The following CYRIB variants were observed in gnomAD, a reference collection of about 807,000 sequenced individuals.
CYRIB encodes CYFIP-related Rac1 interactor B.
In CYRIB, 8 loss-of-function variants were observed where a neutral mutation model predicts 44.2. The observed-to-expected ratio is 0.18, with a 90% confidence interval of 0.11 to 0.33. The LOEUF (loss-of-function observed/expected upper bound fraction) is 0.33, where lower values mean the gene tolerates loss of function less well. Among genes scored for constraint, CYRIB ranks in the 10% least tolerant of loss-of-function variants. The pLI is 1.00. For synonymous variants in CYRIB, 131 were observed against 127.2 expected (o/e 1.03, Z -0.20); for missense variants, 185 against 382.8 (o/e 0.48, Z 4.31).
intron 7 of CYRIB, among the ~76,000 whole-genome samples, chr8:129,853,995 A>G (rs532868085): frequency 6.6e-6 from 1 of 152,346 alleles, no homozygotes; most frequent in African/African-American, 2.4e-5. Flanking sequence ...TTAAAATGAG[A>G]GTACATCGCG....
chr8:129,967,419 G>A lies in CYRIB; in HGVS notation c.-243+3524C>T, dbSNP rs1276912158. Among the ~76,000 whole-genome samples, 13 of 148,602 alleles carry A rather than the reference G, an allele frequency of 8.7e-5. No individual in the cohort carries two copies. In the South Asian group the frequency reaches 1.1e-3, roughly 12 times the overall value. ...TTTTGAGATGGAGTCTTGCTCTGTCGCCCAGGCTGGAGTGCAGTGGCGCGA... is the reference window on the plus strand; with the variant it reads ...TTTTGAGATGGAGTCTTGCTCTGTCACCCAGGCTGGAGTGCAGTGGCGCGA... On this transcript the variant is annotated intron_variant, in intron 2 of 14. Transcript: ENST00000401979.
At chr8:129,859,148 C>T (rs2132069415) in intron 5 of CYRIB, among the ~76,000 whole-genome samples, 1 of 152,292 alleles carries the variant, frequency 6.6e-6, no homozygotes, top group African/African-American at 2.4e-5. Context: ...ATAGGGAAGG[C>T]CACATGGGTC....
intron 2 of CYRIB, among the ~76,000 whole-genome samples, chr8:129,955,601 C>G (rs899930818): frequency 2.0e-5 from 3 of 152,204 alleles, no homozygotes; most frequent in African/African-American, 7.2e-5. Flanking sequence ...TTACCTCTTA[C>G]AAGCGTTCTA....
chr8:129,859,446 G>A (rs1045111557), intron 5 of CYRIB, among the ~76,000 whole-genome samples: 1 of 152,100 alleles, frequency 6.6e-6, no homozygotes, highest in Non-Finnish European at 1.5e-5. Flanking sequence ...AGGTGGAGGA[G>A]CAGAGTCTTC....
chr8:129,896,867 G>A (rs1488937981), intron 2 of CYRIB: 1 of 152,214 alleles, frequency 6.6e-6, no homozygotes, highest in Non-Finnish European at 1.5e-5. Flanking sequence ...ACAATTGAAA[G>A]GAAATCTGCC....
chr8:129,958,829 G>A (rs1168160474), intron 2 of CYRIB, among the ~76,000 whole-genome samples: 2 of 151,644 alleles, frequency 1.3e-5, no homozygotes, highest in African/African-American at 4.8e-5. Flanking sequence ...ACTTTGGGAG[G>A]CTGAGGCGGG....
upstream of CYRIB, among the ~76,000 whole-genome samples, chr8:129,944,827 C>T (rs2094024359): frequency 6.6e-6 from 1 of 151,792 alleles, no homozygotes. Context: ...ATGCACATTG[C>T]TTTCATTGGT....
In CYRIB at chr8:129,977,829, T is replaced by A. The variant is rs9297802; in HGVS notation, c.-295-6834A>T. On this transcript the variant is annotated intron_variant, in intron 1 of 14. Coordinates refer to the CYRIB transcript ENST00000401979. ...TTACAGGCGTGAGCCACTGCTCCCGTCCTGTCCTCACTCTTTCAATGAGAT... is the reference window on the plus strand; with the variant it reads ...TTACAGGCGTGAGCCACTGCTCCCGACCTGTCCTCACTCTTTCAATGAGAT... Among the ~76,000 whole-genome samples, 303 of 152,170 alleles carry A rather than the reference T, an allele frequency of 2.0e-3. 3 individuals carry two copies. The highest frequency in any genetic ancestry group is 6.9e-3 in the African/African-American group (286 of 41,558).
intron 1 of CYRIB, among the ~76,000 whole-genome samples, chr8:129,917,655 G>A (rs917492336): frequency 2.0e-5 from 3 of 152,192 alleles, no homozygotes; most frequent in African/African-American, 4.8e-5. Context: ...TCAGGAGTTC[G>A]AGATCAGCCT....
At chr8:129,872,091 T>C (rs900135205) in intron 3 of CYRIB, among the ~76,000 whole-genome samples, 18 of 152,212 alleles carry the variant, frequency 1.2e-4, no homozygotes, top group Admixed American at 2.6e-4. Context: ...AGAGAGGATA[T>C]ATATATCTAA....
intron 5 of CYRIB, among the ~76,000 whole-genome samples, chr8:129,860,878 A>C (rs1161737107): frequency 2.0e-5 from 3 of 152,042 alleles, no homozygotes; most frequent in Non-Finnish European, 4.4e-5. Flanking sequence ...AAAAAAAAAA[A>C]AAACCATACA....
intron 1 of CYRIB, among the ~76,000 whole-genome samples, chr8:129,982,878 C>T (rs1049894499): frequency 6.6e-6 from 1 of 152,166 alleles, no homozygotes; most frequent in Non-Finnish European, 1.5e-5. Context: ...AGCTGGCTGT[C>T]ACCAAGCCAC....
At chr8:129,919,688 T>C (rs1272216588) in intron 1 of CYRIB, among the ~76,000 whole-genome samples, 1 of 152,190 alleles carries the variant, frequency 6.6e-6, no homozygotes, top group Non-Finnish European at 1.5e-5. Flanking sequence ...CATTTTTATA[T>C]GCTTCAAATT....
At chr8:129,843,846 G>C (rs1342782741) in intron 11 of CYRIB, 1 of 152,208 alleles carries the variant, frequency 6.6e-6, no homozygotes, top group Non-Finnish European at 1.5e-5. Context: ...CAATGTTACT[G>C]AGAAGTCACT....
At chr8:129,898,525 G>T (rs1447765169) in intron 2 of CYRIB, among the ~76,000 whole-genome samples, 1 of 152,190 alleles carries the variant, frequency 6.6e-6, no homozygotes, top group African/African-American at 2.4e-5. Context: ...CAGTTTGTCA[G>T]GTCTTTCTGT....
intron 9 of CYRIB, chr8:129,849,958 T>C (rs1157157874): frequency 6.6e-6 from 1 of 152,258 alleles, no homozygotes; most frequent in Non-Finnish European, 1.5e-5. Context: ...CTCTCATTTG[T>C]GAAAAAGAAA....
chr8:129,871,981 T>C (rs2057400532), intron 3 of CYRIB, among the ~76,000 whole-genome samples: 1 of 152,120 alleles, frequency 6.6e-6, no homozygotes, highest in Non-Finnish European at 1.5e-5. Flanking sequence ...AGTTTTGATA[T>C]AAAAAAGTAA....
At chr8:129,888,133 C>A (rs929034933) in intron 2 of CYRIB, among the ~76,000 whole-genome samples, 6 of 152,158 alleles carry the variant, frequency 3.9e-5, no homozygotes, top group Non-Finnish European at 7.4e-5. Flanking sequence ...TGGGAGGAGA[C>A]TGGATCATGG....
chr8:129,839,597 G>T (rs993626222), exon 12 of CYRIB: 1 of 152,154 alleles, frequency 6.6e-6, no homozygotes, highest in African/African-American at 2.4e-5. Flanking sequence ...TGAGGCTTAG[G>T]TTCCAATAAA....
Sources: allele counts gnomAD v4.1 joint callset (sites outside exome capture counted in the v4.1 genomes callset), GRCh38; gene constraint gnomAD v4.1.1; transcripts MANE v1.5; gene names NCBI Gene and HGNC (gene_info 2026-07-23, HGNC 2026-07-21).